Variants in HAUS4 observed in about 807,000 individuals in gnomAD.
HAUS4 encodes the protein HAUS augmin-like complex subunit 4.
A neutral mutation model predicts 50.6 loss-of-function variants in HAUS4; 34 were observed. That is an observed-to-expected ratio of 0.67 (90% CI 0.51 to 0.90). The LOEUF is 0.90. HAUS4 is among the 40% of genes least tolerant of loss of function. The pLI is 0.00. For synonymous variants in HAUS4, 149 were observed against 161.4 expected, an observed-to-expected ratio of 0.92 and a Z score of 0.58; for missense variants, 370 against 428.7, an observed-to-expected ratio of 0.86 and a Z score of 1.21.
intron 6 of HAUS4, among the ~76,000 whole-genome samples, chr14:22,949,250 C>A (rs537485484): frequency 6.6e-6 from 1 of 151,474 alleles, no homozygotes; most frequent in African/African-American, 2.4e-5. Flanking sequence ...ACATTCAGGG[C>A]CAGGCACAGT....
In HAUS4 at chr14:22,955,174, A is replaced by G. The variant is rs774168280; in HGVS notation, c.-20T>C. ...TGCCATTTGATTTTCTTGGGATTCT[A>G]ATCTGTGGAACCAAGAAGTGAAAGA... On this transcript the variant is annotated splice_region_variant and 5_prime_UTR_variant, in exon 2 of 10. Transcript: ENST00000541587. 7.6e-6 allele frequency: 12 copies of G among 1,586,222 alleles called. No individual in the cohort carries two copies. Among genetic ancestry groups the G allele is most frequent in the Admixed American group, 6.7e-5 (4 of 59,964 alleles).
Position 22,952,421 on chromosome 14 carries a change from C to T in HAUS4, c.237G>A (p.Leu79=), listed in dbSNP as rs2044771532. The T allele has an allele frequency of 1.9e-6, 3 of 1,614,008 alleles. No individual in the cohort carries two copies. ...TGACTCTGTGTAAAATCTCAGACCT[C>T]AACCATGTTGTCTTATGCAGTCGAA... The part of the protein sequence containing the change: ...KEVRLHKTTW[L]RSEILHRVIQ... Residue 79 remains leucine, a synonymous_variant, in exon 4 of 10, where the codon TTG becomes TTA. Transcript: ENST00000541587.
chr14:22,946,781 C>CAT, intron 9 of HAUS4, 73 bp from the exon 10 acceptor site: 8 of 596,712 alleles, frequency 1.3e-5, no homozygotes, highest in Non-Finnish European at 2.1e-5. Context: ...AAATGAAAAA[C>CAT]TTTTTTTTTT....
chr14:22,953,220 G>A (rs1170765612), intron 2 of HAUS4, among the ~76,000 whole-genome samples: 1 of 151,784 alleles, frequency 6.6e-6, no homozygotes, highest in Non-Finnish European at 1.5e-5. Context: ...CACAATCACA[G>A]CTCACTGCAG....
chr14:22,955,235 G>A (rs2044838681), intron 1 of HAUS4, 59 bp from the exon 2 acceptor site: 2 of 1,004,916 alleles, frequency 2.0e-6, no homozygotes, highest in Non-Finnish European at 3.2e-6. Context: ...GCTGCTCCAA[G>A]GACACTACCT....
chr14:22,948,206 T>C (rs866890437), intron 6 of HAUS4, 193 bp from the exon 7 acceptor site: 5 of 576,030 alleles, frequency 8.7e-6, no homozygotes, highest in African/African-American at 5.6e-5. Flanking sequence ...CCTAGCACTT[T>C]GGGAGGCCAA....
At chr14:22,951,523 C>G (rs1377831362) in intron 5 of HAUS4, 32 bp downstream of exon 5, 1 of 1,608,238 alleles carries the variant, frequency 6.2e-7, no homozygotes, top group South Asian at 1.1e-5. Context: ...TAAACCATTT[C>G]ATTTATTTGG....
chr14:22,950,334 C>T lies in HAUS4; in HGVS notation c.542G>A (p.Cys181Tyr), dbSNP rs1193915269. Residue 181 changes from cysteine to tyrosine, a missense_variant, in exon 6 of 10, where the codon TGC becomes TAC. By Grantham distance (194) the Cys-to-Tyr change is radical (BLOSUM62 -2). Transcript: ENST00000541587. ...CTCACCTGAATTGGGATCATAGTAG[C>T]AGAGCAGAGTGAAACATTTCTTTTT... is the stretch of plus-strand genomic sequence containing the variant. ...QLKKKCFTLLCYYDPNSDADS... is the reference protein window; with the variant it reads ...QLKKKCFTLLYYYDPNSDADS... 5.0e-6 allele frequency: 8 copies of T among 1,607,282 alleles called. No individual in the cohort carries two copies. The highest frequency in any genetic ancestry group is 6.8e-6 in the Non-Finnish European group (8 of 1,173,932).
chr14:22,946,958 A>AT (rs1316897216), intron 9 of HAUS4, among the ~76,000 whole-genome samples: 2 of 151,548 alleles, frequency 1.3e-5, no homozygotes, highest in South Asian at 2.1e-4. Context: ...TAATTTTTGT[A>AT]TTTTTTAGTA....
intron 9 of HAUS4, among the ~76,000 whole-genome samples, 161 bp downstream of exon 9, chr14:22,947,010 C>G (rs1168314943): frequency 6.6e-6 from 1 of 152,094 alleles, no homozygotes; most frequent in Non-Finnish European, 1.5e-5. Flanking sequence ...GTCTCAAACT[C>G]CTGACTCAAG....
chr14:22,953,538 C>T (rs1024418585), intron 2 of HAUS4, among the ~76,000 whole-genome samples: 3 of 152,132 alleles, frequency 2.0e-5, no homozygotes, highest in African/African-American at 7.2e-5. Flanking sequence ...TTCCACCTCC[C>T]GGGTTCAAAC....
chr14:22,955,058 T>G, intron 2 of HAUS4, 42 bp downstream of exon 2: 1 of 1,410,632 alleles, frequency 7.1e-7, no homozygotes, highest in Non-Finnish European at 1.0e-6. Flanking sequence ...ATAAGACCTC[T>G]CTGGATAAAT....
intron 4 of HAUS4, among the ~76,000 whole-genome samples, chr14:22,952,097 A>C (rs1476257018): frequency 6.6e-6 from 1 of 152,150 alleles, no homozygotes; most frequent in African/African-American, 2.4e-5. Context: ...GGCTCACTGC[A>C]ATCTCCGCCT....
At chr14:22,949,571 G>A (rs2044714169) in intron 6 of HAUS4, among the ~76,000 whole-genome samples, 1 of 151,252 alleles carries the variant, frequency 6.6e-6, no homozygotes. Context: ...TTCATTCAGG[G>A]TGGTCAGACT....
intron 2 of HAUS4, 121 bp downstream of exon 2, chr14:22,954,979 C>G: frequency 1.3e-6 from 1 of 769,692 alleles, no homozygotes; most frequent in Non-Finnish European, 2.3e-6. Flanking sequence ...CCCACCTCAG[C>G]CTCCCAAAGT....
At chr14:22,948,744 C>T (rs1018738585) in intron 6 of HAUS4, among the ~76,000 whole-genome samples, 2 of 151,900 alleles carry the variant, frequency 1.3e-5, no homozygotes, top group African/African-American at 4.8e-5. Flanking sequence ...ACTATATTGG[C>T]CAGGTTGGTC....
chr14:22,949,718 A>G (rs775453780), intron 6 of HAUS4, among the ~76,000 whole-genome samples: 4 of 152,158 alleles, frequency 2.6e-5, no homozygotes, highest in African/African-American at 9.7e-5. Flanking sequence ...AAGGTGTTCT[A>G]TGAGTCTGAA....
At chr14:22,947,552 T>G in intron 8 of HAUS4, 49 bp downstream of exon 8, 1 of 1,602,182 alleles carries the variant, frequency 6.2e-7, no homozygotes, top group Non-Finnish European at 8.5e-7. Flanking sequence ...GATAGAGGGC[T>G]GATAACGTGA....
In HAUS4 at chr14:22,952,536, C is replaced by A; in HGVS notation, c.198+5G>T. 1.2e-6 allele frequency: 2 copies of A among 1,613,118 alleles called. No homozygotes were observed. The highest frequency in any genetic ancestry group is 1.7e-6 in the Non-Finnish European group (2 of 1,179,492). On this transcript the variant is annotated splice_donor_5th_base_variant and intron_variant, in intron 3 of 9. Transcript: ENST00000541587. ...TCTTCTTATCTCTTCTCCCAAAGCC[C>A]TTACCTGAGCCTGCTCCTTTGCTAG...
Sources: gnomAD v4.1 joint callset for allele counts (sites outside exome capture counted in the v4.1 genomes callset) on GRCh38, gnomAD v4.1.1 for gene constraint, MANE v1.5 for transcripts, NCBI Gene and HGNC (gene_info 2026-07-23, HGNC 2026-07-21) for gene names.